The following PTPRD variants were observed in gnomAD, a reference collection of about 807,000 sequenced individuals.
PTPRD encodes protein tyrosine phosphatase receptor type D.
In PTPRD, 34 loss-of-function variants were observed where a neutral mutation model predicts 214.5. The observed-to-expected ratio is 0.16, with a 90% CI of 0.12 to 0.21. PTPRD has a LOEUF of 0.21. Among genes scored for constraint, PTPRD ranks in the 10% least tolerant of loss-of-function variants. The pLI is 1.00. For synonymous variants in PTPRD, 1,128 were observed against 845.7 expected (o/e 1.33, Z -5.79); for missense variants, 2,545 against 2,398.7 (o/e 1.06, Z -1.27).
At chr9:8,702,259 T>TA (rs111931990) in intron 12 of PTPRD, among the ~76,000 whole-genome samples, 35,989 of 144,418 alleles carry the variant, frequency 0.25, 4,424 homozygotes, top group African/African-American at 0.3. Flanking sequence ...GTGTGTAAAG[T>TA]AAAAAAAAAA....
At chr9:9,853,728 T>G (rs779004858) in intron 5 of PTPRD, among the ~76,000 whole-genome samples, 7 of 152,102 alleles carry the variant, frequency 4.6e-5, no homozygotes, top group Non-Finnish European at 7.3e-5. Context: ...TTTGTATTTT[T>G]AGTAGAGACG....
chr9:9,015,034 AT>A (rs1412885537), intron 11 of PTPRD, among the ~76,000 whole-genome samples: 2 of 152,202 alleles, frequency 1.3e-5, no homozygotes, highest in Non-Finnish European at 2.9e-5. Flanking sequence ...ATTTAAAAAA[AT>A]GTTTTAACTA....
At chr9:9,047,198 C>T (rs766673450) in intron 10 of PTPRD, among the ~76,000 whole-genome samples, 1 of 151,774 alleles carries the variant, frequency 6.6e-6, no homozygotes, top group Non-Finnish European at 1.5e-5. Context: ...ATTAACCAAA[C>T]AAGTGAAAAA....
intron 11 of PTPRD, among the ~76,000 whole-genome samples, chr9:8,751,889 T>C (rs1329532247): frequency 6.6e-6 from 1 of 152,120 alleles, no homozygotes; most frequent in East Asian, 1.9e-4. Context: ...AATGCCACCT[T>C]ATTCTGCTTC....
intron 39 of PTPRD, among the ~76,000 whole-genome samples, chr9:8,362,230 G>T (rs20514): frequency 0.13 from 20,056 of 152,126 alleles, 2,028 homozygotes; most frequent in East Asian, 0.34. Flanking sequence ...CTTGTAACTG[G>T]ACTACATTCA....
chr9:9,515,615 C>T (rs191728319), intron 8 of PTPRD, among the ~76,000 whole-genome samples: 1 of 151,258 alleles, frequency 6.6e-6, no homozygotes. Context: ...ATTATGATTA[C>T]AAGATATGGA....
intron 10 of PTPRD, among the ~76,000 whole-genome samples, chr9:9,060,655 G>T (rs2099705420): frequency 6.6e-6 from 1 of 151,736 alleles, no homozygotes; most frequent in Admixed American, 6.6e-5. Context: ...TTAGAAAAAA[G>T]CCAATCCAAT....
chr9:8,500,583 A>AAAAAAAAAAAAAAAAAAG (rs1563868169), intron 24 of PTPRD, among the ~76,000 whole-genome samples, 171 bp downstream of exon 24: 4 of 146,318 alleles, frequency 2.7e-5, no homozygotes, highest in African/African-American at 5.1e-5. Flanking sequence ...AAAAAAAAAA[A>AAAAAAAAAAAAAAAAAAG]AAAAAAAGGC....
At chr9:8,874,207 C>A (rs529957786) in intron 11 of PTPRD, among the ~76,000 whole-genome samples, 1 of 152,298 alleles carries the variant, frequency 6.6e-6, no homozygotes, top group African/African-American at 2.4e-5. Flanking sequence ...GCCCATGGTT[C>A]AGTGACTTGC....
In PTPRD at chr9:9,358,948, G is replaced by A. The variant is rs143287846; in HGVS notation, c.-203+38501C>T. ...ATTAACCTACAAGCTGTTTGGGCAG[G>A]GCTTCTAAAAACAATTTCAGGATAA... On this transcript the variant is annotated intron_variant, in intron 9 of 45. Coordinates refer to ENST00000381196, the MANE Select transcript of PTPRD (RefSeq NM_002839.4). Among the ~76,000 whole-genome samples the A allele has an allele frequency of 3.0e-4, 46 of 151,280 alleles. No individual in the cohort carries two copies. The East Asian group carries it at 7.6e-3, about 25-fold the overall frequency.
At chr9:9,549,393 C>A (rs2079629638) in intron 8 of PTPRD, among the ~76,000 whole-genome samples, 1 of 151,830 alleles carries the variant, frequency 6.6e-6, no homozygotes, top group Non-Finnish European at 1.5e-5. Context: ...AAAATGAAAC[C>A]ATCCAAATAG....
chr9:8,582,176 G>A (rs7031249), intron 14 of PTPRD, among the ~76,000 whole-genome samples: 64,327 of 151,904 alleles, frequency 0.42, 13,899 homozygotes, highest in African/African-American at 0.53. Flanking sequence ...CATCAGGAGA[G>A]AAAGGTTGGG....
intron 3 of PTPRD, among the ~76,000 whole-genome samples, chr9:10,220,601 A>G (rs945058279): frequency 2.6e-5 from 4 of 151,952 alleles, no homozygotes; most frequent in African/African-American, 9.7e-5. Context: ...AATTATTTTT[A>G]AATTTATATT....
At chr9:8,969,883 C>T (rs1365683401) in intron 11 of PTPRD, among the ~76,000 whole-genome samples, 2 of 151,972 alleles carry the variant, frequency 1.3e-5, no homozygotes, top group South Asian at 2.1e-4. Context: ...AGATATCCAA[C>T]TACTAATTAC....
intron 5 of PTPRD, among the ~76,000 whole-genome samples, chr9:9,900,403 C>A (rs2076108395): frequency 1.3e-5 from 2 of 152,210 alleles, no homozygotes; most frequent in South Asian, 2.1e-4. Flanking sequence ...TAGCCAAGTT[C>A]TTTGCTAAGG....
intron 4 of PTPRD, among the ~76,000 whole-genome samples, chr9:10,025,405 T>G (rs1410923236): frequency 6.6e-6 from 1 of 152,206 alleles, no homozygotes; most frequent in Non-Finnish European, 1.5e-5. Context: ...AATTTAGAAA[T>G]TTTATGATTC....
rs551878195 is a variant in PTPRD at position 9,384,115 on chromosome 9, CT to C, written c.-203+13333del. Reference sequence around the variant, plus strand: ...AGGGACATTAAAAACTTTTCACATACTTTTTTTTTTGCTTATAGATACATAA... The same window carrying C: ...AGGGACATTAAAAACTTTTCACATACTTTTTTTTTGCTTATAGATACATAA... On this transcript the variant is annotated intron_variant, in intron 9 of 45. Coordinates refer to ENST00000381196, the MANE Select transcript of PTPRD (RefSeq NM_002839.4). 2.3e-3 allele frequency among the ~76,000 whole-genome samples: 333 copies of C among 147,462 alleles called. 3 individuals are homozygous for C. Among genetic ancestry groups the C allele is most frequent in the South Asian group, 3.6e-3 (17 of 4,682 alleles).
At chr9:9,925,741 T>C (rs879502313) in intron 5 of PTPRD, among the ~76,000 whole-genome samples, 1 of 152,116 alleles carries the variant, frequency 6.6e-6, no homozygotes, top group Non-Finnish European at 1.5e-5. Context: ...TCTATGCACC[T>C]TTTTTCCTTT....
At chr9:9,680,762 G>C (rs1349158429) in intron 7 of PTPRD, among the ~76,000 whole-genome samples, 4 of 150,314 alleles carry the variant, frequency 2.7e-5, no homozygotes, top group Non-Finnish European at 6.0e-5. Context: ...AACTAACAGA[G>C]GAAGAGGAGA....
Sources: allele counts gnomAD v4.1 joint callset (sites outside exome capture counted in the v4.1 genomes callset), GRCh38; gene constraint gnomAD v4.1.1; transcripts MANE v1.5; gene names NCBI Gene and HGNC (gene_info 2026-07-23, HGNC 2026-07-21).